The following RIT2 variants were observed in gnomAD, a reference collection of about 807,000 sequenced individuals.
RIT2 encodes Ras like without CAAX 2.
In RIT2, 24 loss-of-function variants were observed where a neutral mutation model predicts 23.7. The ratio of observed to expected loss-of-function variants is 1.01; its 90% confidence interval spans 0.73 to 1.43. RIT2 has a LOEUF of 1.43. RIT2 is among the 40% of genes most tolerant of loss of function. The probability of loss-of-function intolerance (pLI) is 0.00; values close to 1 mark genes in which losing one functional copy is unlikely to be tolerated. For missense variants in RIT2, 236 were observed against 266.9 expected (o/e 0.88, Z 0.81); for synonymous variants, 107 against 91.1 (o/e 1.17, Z -0.99).
At position 42,811,337 on chromosome 18, in the gene RIT2, T is replaced by C. The variant is rs1252041730; in HGVS notation, c.427-67617A>G. 2.6e-5 allele frequency among the ~76,000 whole-genome samples: 4 copies of C among 152,118 alleles called. No homozygotes were observed. The East Asian group carries it at 7.7e-4, about 29-fold the overall frequency. ...TGTACAAAATTTCACATTGAAGTCA[T>C]ATTTGTAGAAGATATGTAGATGTAA... is the stretch of plus-strand genomic sequence containing the variant. On this transcript the variant is annotated intron_variant, in intron 4 of 4. Coordinates refer to ENST00000326695, the MANE Select transcript of RIT2 (RefSeq NM_002930.4).
chr18:42,886,501 T>G (rs1908026446), intron 4 of RIT2, among the ~76,000 whole-genome samples: 1 of 152,238 alleles, frequency 6.6e-6, no homozygotes, highest in South Asian at 2.1e-4. Flanking sequence ...GCTAGGTTTC[T>G]TATAGTCTTT....
intron 2 of RIT2, among the ~76,000 whole-genome samples, chr18:42,992,901 T>C (rs1394633205): frequency 2.0e-5 from 3 of 152,152 alleles, no homozygotes; most frequent in African/African-American, 7.2e-5. Context: ...AATATGCATT[T>C]TATTTTATTA....
intron 2 of RIT2, among the ~76,000 whole-genome samples, chr18:43,030,877 T>C (rs984074759): frequency 1.3e-5 from 2 of 152,110 alleles, no homozygotes; most frequent in African/African-American, 2.4e-5. Flanking sequence ...CTATTAAAGT[T>C]GATGCATGTT....
At chr18:42,782,011 A>C (rs947880826) in intron 4 of RIT2, among the ~76,000 whole-genome samples, 1 of 152,216 alleles carries the variant, frequency 6.6e-6, no homozygotes, top group Non-Finnish European at 1.5e-5. Flanking sequence ...CTCCTTGAAA[A>C]TATATTAAAG....
intron 4 of RIT2, among the ~76,000 whole-genome samples, chr18:42,811,718 A>G (rs1905853368): frequency 6.6e-6 from 1 of 152,150 alleles, no homozygotes; most frequent in African/African-American, 2.4e-5. Flanking sequence ...GCCTTAGTTG[A>G]AACGGAATGG....
At chr18:43,008,502 A>G (rs549440339) in intron 2 of RIT2, among the ~76,000 whole-genome samples, 18 of 151,444 alleles carry the variant, frequency 1.2e-4, no homozygotes, top group Non-Finnish European at 2.7e-4. Flanking sequence ...TATTTCATAA[A>G]TGGCAGTTAT....
At chr18:42,946,450 GA>G (rs1188319314) in intron 3 of RIT2, among the ~76,000 whole-genome samples, 1 of 151,968 alleles carries the variant, frequency 6.6e-6, no homozygotes, top group African/African-American at 2.4e-5. Context: ...AAACCACAGT[GA>G]ATCTAATGTT....
At chr18:42,920,796 A>C in intron 4 of RIT2, 1 of 1,439,006 alleles carries the variant, frequency 6.9e-7, no homozygotes, top group South Asian at 1.1e-5. Flanking sequence ...TGAGAATCCT[A>C]CTCCTTTGCC....
In RIT2 at chr18:42,743,735, A is replaced by G. The variant is rs1912851144; in HGVS notation, c.427-15T>C. The G allele has an allele frequency of 6.5e-7, 1 of 1,541,450 alleles. No individual in the cohort carries two copies. Among genetic ancestry groups the G allele is most frequent in the South Asian group, 1.2e-5 (1 of 86,028 alleles). On this transcript the variant is annotated splice_polypyrimidine_tract_variant and intron_variant, in intron 4 of 4. Coordinates refer to ENST00000326695, the MANE Select transcript of RIT2 (RefSeq NM_002930.4). ...TCTGTAGAAACCTAAGGAAAAAACA[A>G]ATAATATTAAAAAGACAGAAAGAGA...
At chr18:43,045,239 G>T (rs1215215866) in intron 1 of RIT2, among the ~76,000 whole-genome samples, 1 of 152,110 alleles carries the variant, frequency 6.6e-6, no homozygotes, top group East Asian at 1.9e-4. Context: ...AATTACTGGA[G>T]TCTCATCTAC....
intron 1 of RIT2, among the ~76,000 whole-genome samples, chr18:43,090,923 C>CACGTG (rs1913408738): frequency 6.6e-6 from 1 of 151,846 alleles, no homozygotes; most frequent in Non-Finnish European, 1.5e-5. Flanking sequence ...TGAATGGGTA[C>CACGTG]TAGACGTAAT....
At chr18:43,005,723 C>G (rs565988192) in intron 2 of RIT2, among the ~76,000 whole-genome samples, 3 of 151,788 alleles carry the variant, frequency 2.0e-5, no homozygotes, top group African/African-American at 7.2e-5. Flanking sequence ...TCCCATGAAC[C>G]CAAAAATATG....
chr18:42,812,761 A>G (rs1405491318), intron 4 of RIT2, among the ~76,000 whole-genome samples: 1 of 152,184 alleles, frequency 6.6e-6, no homozygotes, highest in Non-Finnish European at 1.5e-5. Flanking sequence ...TGCTGATTGG[A>G]TAGACTGATT....
At chr18:42,791,927 G>C (rs1333190117) in intron 4 of RIT2, among the ~76,000 whole-genome samples, 1 of 152,138 alleles carries the variant, frequency 6.6e-6, no homozygotes, top group African/African-American at 2.4e-5. Context: ...ATGTGACCCA[G>C]TCATAGCTAA....
intron 4 of RIT2, chr18:42,920,551 C>G (rs1278277107): frequency 5.0e-6 from 3 of 598,798 alleles, no homozygotes; most frequent in Non-Finnish European, 8.9e-6. Context: ...TTGAATCCTT[C>G]CACATTAAAG....
At chr18:42,772,217 C>T (rs1338090392) in intron 4 of RIT2, among the ~76,000 whole-genome samples, 1 of 152,130 alleles carries the variant, frequency 6.6e-6, no homozygotes, top group African/African-American at 2.4e-5. Flanking sequence ...ATGGTGAGTG[C>T]TTCCTCTTCC....
chr18:42,997,190 A>C (rs563042752), intron 2 of RIT2, among the ~76,000 whole-genome samples: 1 of 152,252 alleles, frequency 6.6e-6, no homozygotes, highest in South Asian at 2.1e-4. Flanking sequence ...AAATGTAGAA[A>C]ATGTCTTCCA....
intron 4 of RIT2, among the ~76,000 whole-genome samples, chr18:42,859,033 G>T (rs987211659): frequency 1.3e-5 from 2 of 152,146 alleles, no homozygotes; most frequent in Non-Finnish European, 2.9e-5. Context: ...TAAGTTTTTA[G>T]GTGGACATAT....
Position 43,098,758 on chromosome 18 carries a change from A to G in RIT2, c.103+16659T>C, listed in dbSNP as rs139896621. On this transcript the variant is annotated intron_variant, in intron 1 of 4. Transcript: ENST00000326695. ...CTGTACTATCAACCCCATTTGACAG[A>G]CAAGAAAACCAAGATTCAAAGATGC... is the stretch of plus-strand genomic sequence containing the variant. Among the ~76,000 whole-genome samples the G allele has an allele frequency of 1.2e-4, 19 of 152,176 alleles. No individual in the cohort carries two copies. The East Asian group carries it at 2.7e-3, about 22-fold the overall frequency.
Sources: allele counts gnomAD v4.1 joint callset (sites outside exome capture counted in the v4.1 genomes callset), GRCh38; gene constraint gnomAD v4.1.1; transcripts MANE v1.5; gene names NCBI Gene and HGNC (gene_info 2026-07-23, HGNC 2026-07-21).